ARHGEF7: variants seen among roughly 807,000 people sequenced by gnomAD.
The protein encoded by ARHGEF7 is Rho guanine nucleotide exchange factor 7.
Under a neutral mutation model 109.8 loss-of-function variants are expected in ARHGEF7, and 33 were observed. That is an observed-to-expected ratio of 0.30 (90% CI 0.23 to 0.40). The LOEUF (loss-of-function observed/expected upper bound fraction) is 0.40. Ranked by LOEUF, ARHGEF7 falls within the 10% of genes least tolerant of loss-of-function variation. The pLI is 1.00. For synonymous variants in ARHGEF7, 458 were observed against 424.6 expected, an observed-to-expected ratio of 1.08 and a Z score of -0.97; for missense variants, 938 against 1,098.5, an observed-to-expected ratio of 0.85 and a Z score of 2.07.
intron 15 of ARHGEF7, among the ~76,000 whole-genome samples, chr13:111,282,146 C>T (rs769839100): frequency 3.9e-5 from 6 of 151,914 alleles, no homozygotes; most frequent in African/African-American, 1.5e-4. Flanking sequence ...AGAATGTGAT[C>T]GTTGCAGGAA....
Position 111,267,678 on chromosome 13 carries a change from T to C in ARHGEF7, c.1073+8T>C, listed in dbSNP as rs2153584903. On this transcript the variant is annotated splice_region_variant and intron_variant, in intron 9 of 21. Coordinates refer to ENST00000646102, the MANE Select transcript of ARHGEF7 (RefSeq NM_001354046.2). ...TGTCCTCACGGAACACAGGTGCGCT[T>C]GCTAGGCACCTTGGCAACAGGGAGG... is the stretch of plus-strand genomic sequence containing the variant. 1 of 1,613,508 alleles carries C rather than the reference T, an allele frequency of 6.2e-7. No homozygotes were observed. The highest frequency in any genetic ancestry group is 1.7e-5 in the Admixed American group (1 of 59,994).
At chr13:111,289,085 G>A (rs1045479244) in intron 18 of ARHGEF7, among the ~76,000 whole-genome samples, 10 of 151,998 alleles carry the variant, frequency 6.6e-5, no homozygotes, top group African/African-American at 2.2e-4. Flanking sequence ...AGGCTGGAGT[G>A]CAGTAGCGTG....
chr13:111,296,129 G>A (rs532826265), intron 19 of ARHGEF7, among the ~76,000 whole-genome samples: 1 of 151,984 alleles, frequency 6.6e-6, no homozygotes, highest in East Asian at 1.9e-4. Flanking sequence ...GGCCCCAGGG[G>A]TTGATCAGCA....
intron 4 of ARHGEF7, among the ~76,000 whole-genome samples, chr13:111,217,072 C>A (rs893629066): frequency 4.6e-5 from 7 of 152,142 alleles, no homozygotes; most frequent in African/African-American, 1.7e-4. Flanking sequence ...TTTGTAGAAA[C>A]TTTTTGGAGG....
intron 4 of ARHGEF7, among the ~76,000 whole-genome samples, chr13:111,211,058 A>G (rs998876978): frequency 3.3e-5 from 5 of 152,194 alleles, no homozygotes; most frequent in African/African-American, 7.2e-5. Flanking sequence ...CAAGCTCGCT[A>G]TCATTGCTGT....
At chr13:111,200,118 G>C (rs1430776021) in intron 2 of ARHGEF7, among the ~76,000 whole-genome samples, 1 of 152,046 alleles carries the variant, frequency 6.6e-6, no homozygotes, top group Non-Finnish European at 1.5e-5. Flanking sequence ...CCATCTTTCT[G>C]TGTCTGTGGA....
chr13:111,240,604 C>T (rs1259642104), intron 6 of ARHGEF7, among the ~76,000 whole-genome samples: 2 of 152,176 alleles, frequency 1.3e-5, no homozygotes, highest in Admixed American at 6.5e-5. Context: ...TGGTGAACTA[C>T]TGTCTTGTAA....
chr13:111,129,375 A>G (rs996912142), intron 1 of ARHGEF7, among the ~76,000 whole-genome samples: 12 of 152,286 alleles, frequency 7.9e-5, no homozygotes, highest in African/African-American at 2.9e-4. Context: ...GAGTGGACAA[A>G]TTGGACTTAA....
chr13:111,128,154 CAG>C (rs1051478709), intron 1 of ARHGEF7, among the ~76,000 whole-genome samples: 17 of 152,306 alleles, frequency 1.1e-4, no homozygotes, highest in Admixed American at 3.3e-4. Context: ...AGGAACAAGA[CAG>C]GGGTGTTCAC....
intron 2 of ARHGEF7, among the ~76,000 whole-genome samples, chr13:111,191,224 A>G (rs4773332): frequency 0.46 from 69,483 of 151,878 alleles, 16,605 homozygotes; most frequent in South Asian, 0.57. Context: ...GGAAGTTACT[A>G]TGATCAGTTG....
In ARHGEF7 at chr13:111,153,722, G is replaced by A. The variant is rs180721568; in HGVS notation, c.166-183G>A. 17 of 1,332,022 alleles carry A rather than the reference G, an allele frequency of 1.3e-5. No individual in the cohort carries two copies. In the African/African-American group the frequency reaches 2.0e-4, roughly 16 times the overall value. 82.5% of individuals were successfully genotyped at this position (1,332,022 alleles called of 1,614,324 possible). On this transcript the variant is annotated intron_variant, in intron 1 of 21. Transcript: ENST00000646102. ...TGCAGCCCCGGAGGAAGAAAAAAGG[G>A]TGAGGAGAAGCAGCGGCTGAGCGGG...
chr13:111,199,208 A>T (rs2080927328), intron 2 of ARHGEF7, among the ~76,000 whole-genome samples: 1 of 152,186 alleles, frequency 6.6e-6, no homozygotes, highest in South Asian at 2.1e-4. Context: ...CTCCTCCTCG[A>T]AGGGCAGGGG....
rs1217424184 is a variant in ARHGEF7, at chr13:111,258,627, C to T, written c.951-8921C>T. 2.6e-5 allele frequency among the ~76,000 whole-genome samples: 4 copies of T among 152,046 alleles called. No homozygotes were observed. Among genetic ancestry groups the T allele is most frequent in the East Asian group, 1.9e-4 (1 of 5,168 alleles). On this transcript the variant is annotated intron_variant, in intron 8 of 21. Transcript: ENST00000646102. The surrounding 1 kb of genome is among the most constrained non-coding windows in gnomAD (Gnocchi z 4.4). ...ATGGGTCTTGCATGAGACTCAAAGA[C>T]GAGCTGGCTTCAAATGTGACCCAGA...
chr13:111,131,446 G>C lies in ARHGEF7; in HGVS notation c.165+15755G>C, dbSNP rs1215440425. ...TCGTTGGAGGCATCCGCATAGAGCT[G>C]TTGGAGCTTAGAGGCCCCCTGGACT... is the stretch of plus-strand genomic sequence containing the variant. On this transcript the variant is annotated intron_variant, in intron 1 of 21. Coordinates refer to ENST00000646102, the MANE Select transcript of ARHGEF7 (RefSeq NM_001354046.2). This position sits in a 1 kb window ranked among gnomAD's most constrained non-coding sequence, Gnocchi z 4.4. Among the ~76,000 whole-genome samples, 1 of 152,184 alleles carries C rather than the reference G, an allele frequency of 6.6e-6. No homozygotes were observed. The highest frequency in any genetic ancestry group is 2.1e-4 in the South Asian group (1 of 4,828).
intron 8 of ARHGEF7, among the ~76,000 whole-genome samples, chr13:111,260,552 T>G (rs542206047): frequency 3.3e-5 from 5 of 152,336 alleles, no homozygotes; most frequent in South Asian, 2.1e-4. Context: ...ATAAAAACTT[T>G]CCCAAACAAA....
intron 1 of ARHGEF7, among the ~76,000 whole-genome samples, chr13:111,152,886 G>A (rs773268503): frequency 6.6e-6 from 1 of 152,078 alleles, no homozygotes; most frequent in South Asian, 2.1e-4. Flanking sequence ...TCTTGCCGTG[G>A]GTAAGGTCCA....
In ARHGEF7 at chr13:111,266,061, A is replaced by T. The variant is rs893635403; in HGVS notation, c.951-1487A>T. 6.7e-6 allele frequency among the ~76,000 whole-genome samples: 1 copy of T among 149,938 alleles called. No homozygotes were observed. The highest frequency in any genetic ancestry group is 2.5e-5 in the African/African-American group (1 of 40,752). On this transcript the variant is annotated intron_variant, in intron 8 of 21. Transcript: ENST00000646102. This position sits in a 1 kb window ranked among gnomAD's most constrained non-coding sequence, Gnocchi z 4.8. ...TTTGTGTTGGATGCTGACGTCTTTC[A>T]TTTTTTTTTGCATTCCTCTGTCATT...
intron 1 of ARHGEF7, among the ~76,000 whole-genome samples, chr13:111,129,101 T>G (rs905841296): frequency 8.5e-5 from 13 of 152,206 alleles, no homozygotes; most frequent in African/African-American, 3.1e-4. Context: ...GCCAAGACAC[T>G]TGGCTGTCCA....
intron 6 of ARHGEF7, among the ~76,000 whole-genome samples, chr13:111,234,993 A>G (rs941970068): frequency 3.9e-5 from 6 of 152,308 alleles, no homozygotes; most frequent in African/African-American, 1.2e-4. Flanking sequence ...GTACGTAGCT[A>G]CAGAGACAGT....
Sources: gnomAD v4.1 joint callset for allele counts (sites outside exome capture counted in the v4.1 genomes callset) on GRCh38, gnomAD v4.1.1 for gene constraint, Gnocchi (gnomAD v3.1) non-coding constraint, MANE v1.5 for transcripts, NCBI Gene and HGNC (gene_info 2026-07-23, HGNC 2026-07-21) for gene names.